Variants in TULP4 observed in about 807,000 individuals in gnomAD.
TULP4 encodes tubby-related protein 4.
TULP4 carries 16 observed loss-of-function variants against 129.0 expected under a neutral mutation model. The observed-to-expected ratio is 0.12, with a 90% CI of 0.08 to 0.19. The LOEUF is 0.19. Among genes scored for constraint, TULP4 ranks in the 10% least tolerant of loss-of-function variants. TULP4 has a pLI of 1.00. For synonymous variants in TULP4, 998 were observed against 854.0 expected (o/e 1.17, Z -2.94); for missense variants, 1,842 against 2,059.1 (o/e 0.89, Z 2.04).
intron 1 of TULP4, 41 bp downstream of exon 1, chr6:158,314,309 G>A: frequency 1.9e-6 from 3 of 1,596,224 alleles, no homozygotes; most frequent in Non-Finnish European, 2.6e-6. Flanking sequence ...CACTTCCAGT[G>A]GTGTTTTTGA....
intron 1 of TULP4, among the ~76,000 whole-genome samples, chr6:158,344,865 C>G (rs1327846490): frequency 2.0e-5 from 3 of 152,138 alleles, no homozygotes; most frequent in Non-Finnish European, 4.4e-5. Context: ...GAAAACCAGG[C>G]CTCTTGAGCC....
intron 1 of TULP4, among the ~76,000 whole-genome samples, chr6:158,398,808 C>G (rs1429419289): frequency 6.6e-6 from 1 of 152,190 alleles, no homozygotes; most frequent in Admixed American, 6.5e-5. Flanking sequence ...GACAAAATTA[C>G]AAAACCAATG....
chr6:158,460,558 C>T (rs1389862426), intron 5 of TULP4, among the ~76,000 whole-genome samples: 1 of 152,094 alleles, frequency 6.6e-6, no homozygotes, highest in Non-Finnish European at 1.5e-5. Flanking sequence ...CTTTTAATAA[C>T]CATTTCTTAT....
chr6:158,242,678 A>G (rs1007012810), intron 1 of TULP4: 36 of 627,402 alleles, frequency 5.7e-5, no homozygotes, highest in African/African-American at 2.6e-4. Flanking sequence ...TCACTTTACA[A>G]TGCAGGCCAG....
At chr6:158,477,480 A>G (rs1246726586) in intron 6 of TULP4, among the ~76,000 whole-genome samples, 2 of 152,262 alleles carry the variant, frequency 1.3e-5, no homozygotes, top group African/African-American at 2.4e-5. Context: ...TTTTCAAAAG[A>G]AGACATACAT....
At chr6:158,421,236 C>T (rs990645449) in intron 2 of TULP4, among the ~76,000 whole-genome samples, 1 of 152,128 alleles carries the variant, frequency 6.6e-6, no homozygotes, top group African/African-American at 2.4e-5. Context: ...GTGGCACGCG[C>T]CTGTAGTCCC....
At chr6:158,267,778 G>A (rs750859064) in intron 1 of TULP4, among the ~76,000 whole-genome samples, 3 of 152,168 alleles carry the variant, frequency 2.0e-5, no homozygotes, top group Non-Finnish European at 4.4e-5. Context: ...TCCTCCGTGG[G>A]TTGGTATAGA....
Position 158,503,353 on chromosome 6 carries a change from G to T in TULP4, c.3690G>T (p.Leu1230=), listed in dbSNP as rs573494751. The change falls in exon 13 of 14, where the codon CTG becomes CTT. Residue 1230 remains leucine (L), a synonymous_variant. Transcript: ENST00000367097. The surrounding 1 kb of genome is among the most constrained non-coding windows in gnomAD (Gnocchi z 4.3). ...QQEPAVVLQP[L]YPPSLSYCTL... ...AGCCTGCTGTGGTCCTTCAGCCGCT[G>T]TACCCACCCAGCCTCTCCTATTGCA... The T allele has an allele frequency of 1.9e-6, 3 of 1,613,718 alleles. No individual in the cohort carries two copies. The highest frequency in any genetic ancestry group is 2.5e-6 in the Non-Finnish European group (3 of 1,179,976).
intron 1 of TULP4, among the ~76,000 whole-genome samples, chr6:158,338,191 T>C (rs1288305795): frequency 6.6e-6 from 1 of 152,122 alleles, no homozygotes; most frequent in Non-Finnish European, 1.5e-5. Flanking sequence ...TAGGCTGGAG[T>C]GCAGTAGTGT....
chr6:158,434,290 G>C (rs1380853154), intron 3 of TULP4, among the ~76,000 whole-genome samples: 1 of 152,132 alleles, frequency 6.6e-6, no homozygotes, highest in Non-Finnish European at 1.5e-5. Flanking sequence ...AAATATTTTG[G>C]AGAATATAAA....
chr6:158,278,387 G>T (rs868519265), upstream of TULP4, among the ~76,000 whole-genome samples: 17 of 140,460 alleles, frequency 1.2e-4, no homozygotes, highest in South Asian at 3.2e-3. Context: ...GAAAATACTA[G>T]TTTTTTTTTT....
Position 158,370,308 on chromosome 6 carries a change from T to C in TULP4, c.253-42757T>C, listed in dbSNP as rs185376007. The stretch of plus-strand genomic sequence containing the variant: ...CCCATCTCTACTAAAAATACAAAAA[T>C]TAGACGGGTGTGGTGGCAGGCACCT... On this transcript the variant is annotated intron_variant, in intron 1 of 13. Transcript: ENST00000367097. Among the ~76,000 whole-genome samples, 42 of 149,502 alleles carry C rather than the reference T, an allele frequency of 2.8e-4. No individual in the cohort carries two copies. In the South Asian group the frequency reaches 3.2e-3, roughly 11 times the overall value.
At chr6:158,457,852 A>G (rs375372848) in intron 5 of TULP4, among the ~76,000 whole-genome samples, 1 of 151,956 alleles carries the variant, frequency 6.6e-6, no homozygotes, top group South Asian at 2.1e-4. Context: ...ACCTGATAAG[A>G]TTTGCCCACG....
chr6:158,302,167 A>G (rs935221474), intron 1 of TULP4, among the ~76,000 whole-genome samples: 5 of 152,208 alleles, frequency 3.3e-5, no homozygotes, highest in Non-Finnish European at 7.3e-5. Context: ...CAAAGTAGTG[A>G]AAGCACCTGT....
intron 1 of TULP4, among the ~76,000 whole-genome samples, chr6:158,394,982 C>T (rs1440486693): frequency 1.3e-5 from 2 of 151,618 alleles, no homozygotes; most frequent in African/African-American, 2.4e-5. Context: ...AGAGAGAGAC[C>T]CAAGCAGGAA....
chr6:158,430,425 TAAC>T (rs1264655642), intron 3 of TULP4, among the ~76,000 whole-genome samples: 1 of 152,200 alleles, frequency 6.6e-6, no homozygotes, highest in Non-Finnish European at 1.5e-5. Flanking sequence ...TAACATATAA[TAAC>T]AATAAAATTC....
chr6:158,502,930 G>A lies in TULP4; in HGVS notation c.3267G>A (p.Thr1089=), dbSNP rs143816832. The change falls in exon 13 of 14, where the codon ACG becomes ACA. Residue 1089 remains threonine (T), a synonymous_variant. Transcript: ENST00000367097. ...CCGACTACGTCAACTCGGCCTTCAC[G>A]GAGGACGAGGCCCTGTCCCAGCACT... The part of the protein sequence containing the change: ...DRTDYVNSAF[T]EDEALSQHCQ... 2.2e-5 allele frequency: 36 copies of A among 1,613,886 alleles called. No homozygotes were observed. The highest frequency in any genetic ancestry group is 9.3e-5 in the African/African-American group (7 of 74,904).
At chr6:158,486,241 TAAGG>T (rs1780061866) in intron 8 of TULP4, among the ~76,000 whole-genome samples, 1 of 152,074 alleles carries the variant, frequency 6.6e-6, no homozygotes, top group Admixed American at 6.6e-5. Context: ...AATGAGATCT[TAAGG>T]GAGGTCCTAA....
intron 6 of TULP4, among the ~76,000 whole-genome samples, chr6:158,474,383 C>T (rs1281731768): frequency 6.6e-6 from 1 of 152,226 alleles, no homozygotes; most frequent in Non-Finnish European, 1.5e-5. Flanking sequence ...GCCTGGTTTT[C>T]CCTGTCCAGG....
Sources: gnomAD v4.1 joint callset for allele counts (sites outside exome capture counted in the v4.1 genomes callset) on GRCh38, gnomAD v4.1.1 for gene constraint, Gnocchi (gnomAD v3.1) non-coding constraint, MANE v1.5 for transcripts, NCBI Gene and HGNC (gene_info 2026-07-23, HGNC 2026-07-21) for gene names.